REPS2: variants seen among roughly 807,000 people sequenced by gnomAD.
REPS2 encodes the protein ralBP1-associated Eps domain-containing protein 2.
In REPS2, 23 loss-of-function variants were observed where a neutral mutation model predicts 53.6. The observed-to-expected ratio is 0.43, with a 90% CI of 0.31 to 0.61. The LOEUF (loss-of-function observed/expected upper bound fraction) is 0.61, where lower values mean the gene tolerates loss of function less well. Among genes scored for constraint, REPS2 ranks in the 20% least tolerant of loss-of-function variants. REPS2 has a pLI of 0.11. For synonymous variants in REPS2, 238 were observed against 218.6 expected (o/e 1.09, Z -0.78); for missense variants, 446 against 534.9 (o/e 0.83, Z 1.64).
At chrX:17,070,471 GA>G (rs1271361397) in intron 11 of REPS2, among the ~76,000 whole-genome samples, 1 of 112,092 alleles carries the variant, frequency 8.9e-6, no homozygotes, top group Non-Finnish European at 1.9e-5. Flanking sequence ...ATTCCAAGGA[GA>G]AAAATAAAAG....
intron 5 of REPS2, among the ~76,000 whole-genome samples, chrX:17,034,206 T>C (rs756704005): frequency 3.8e-4 from 43 of 112,280 alleles, no homozygotes; most frequent in Non-Finnish European, 6.8e-4. Flanking sequence ...CTGTTTCTTT[T>C]GTATCATTCT....
At chrX:17,007,731 C>T (rs964979423) in intron 2 of REPS2, among the ~76,000 whole-genome samples, 1 of 112,344 alleles carries the variant, frequency 8.9e-6, no homozygotes, top group Middle Eastern at 4.2e-3. Context: ...CAATTCTCTC[C>T]TGTGCCTGCA....
intron 1 of REPS2, among the ~76,000 whole-genome samples, chrX:16,958,679 C>T (rs2060625696): frequency 8.9e-6 from 1 of 111,867 alleles, no homozygotes; most frequent in Non-Finnish European, 1.9e-5. Flanking sequence ...GAGAAGTAAC[C>T]AATTTCTGTT....
intron 5 of REPS2, among the ~76,000 whole-genome samples, chrX:17,046,833 G>A (rs999153701): frequency 1.1e-4 from 12 of 112,118 alleles, no homozygotes; most frequent in African/African-American, 3.9e-4. Flanking sequence ...CAGTGGTCCT[G>A]ACTTGCCACT....
the REPS2 span, among the ~76,000 whole-genome samples, chrX:17,164,672 TA>T: frequency 8.9e-6 from 1 of 111,856 alleles, no homozygotes; most frequent in Non-Finnish European, 1.9e-5. Flanking sequence ...GAGAAATTTA[TA>T]GCTGTACATA....
the REPS2 span, among the ~76,000 whole-genome samples, chrX:17,195,111 A>G: frequency 1.8e-5 from 2 of 112,122 alleles, no homozygotes; most frequent in Admixed American, 1.9e-4. Context: ...ACATTAAGGA[A>G]ATTTGATAGT....
At position 17,111,029 on chromosome X, in the gene REPS2, A is replaced by C. The variant is rs1422579225; in HGVS notation, c.1578+7250A>C. On this transcript the variant is annotated intron_variant, in intron 14 of 17. Coordinates refer to ENST00000357277, the MANE Select transcript of REPS2 (RefSeq NM_004726.3). ...ACTCTGTCTCAACAACAACAACAGA[A>C]GTTTTGGGTTTTGGAGCATTTTGGA... Among the ~76,000 whole-genome samples the C allele has an allele frequency of 6.3e-5, 7 of 111,740 alleles. No individual in the cohort carries two copies. The East Asian group carries it at 2.0e-3, about 31-fold the overall frequency.
intron 13 of REPS2, among the ~76,000 whole-genome samples, chrX:17,102,669 T>G (rs1666548245): frequency 8.9e-6 from 1 of 112,662 alleles, no homozygotes; most frequent in Non-Finnish European, 1.9e-5. Flanking sequence ...GATATTACCC[T>G]GAGTTACATT....
At chrX:17,066,349 A>G (rs1166502557) in intron 9 of REPS2, among the ~76,000 whole-genome samples, 1 of 112,511 alleles carries the variant, frequency 8.9e-6, no homozygotes, top group African/African-American at 3.2e-5. Context: ...GAGTATGGCC[A>G]CCTTACCAAT....
In REPS2 at chrX:16,999,368, ATTTTTTTT is replaced by A. The variant is rs1162932789; in HGVS notation, c.274-6836_274-6829del. Among the ~76,000 whole-genome samples, 148 of 62,729 alleles carry A rather than the reference ATTTTTTTT, an allele frequency of 2.4e-3. 1 individual carries two copies. The highest frequency in any genetic ancestry group is 3.5e-3 in the Non-Finnish European group (118 of 33,572). 54.5% of individuals were successfully genotyped at this position (62,729 alleles called of 115,157 possible). ...TTTGCTTCCACTAGTGATGTTCCTG[ATTTTTTTT>A]TTTTTTTTTTTTTTTTGCACAGAGT... is the stretch of plus-strand genomic sequence containing the variant. On this transcript the variant is annotated intron_variant, in intron 1 of 17. Transcript: ENST00000357277.
chrX:17,030,544 C>A (rs1030866568), intron 5 of REPS2, among the ~76,000 whole-genome samples: 19 of 111,913 alleles, frequency 1.7e-4, no homozygotes, highest in Non-Finnish European at 5.6e-5. Context: ...AAAGAAGGTC[C>A]TGGGGTTCAT....
rs1028538210 is a variant in REPS2 at position 17,135,416 on chromosome X, C to T, written c.1808+10C>T. 8.3e-7 allele frequency: 1 copy of T among 1,200,732 alleles called. No homozygotes were observed. On this transcript the variant is annotated intron_variant, in intron 16 of 17. Transcript: ENST00000357277. ...ATCCAACAGTCCAAAAGTAAGTAGACCACATAAACAAGAGTGAGGTAGGAA... is the reference window on the plus strand; with the variant it reads ...ATCCAACAGTCCAAAAGTAAGTAGATCACATAAACAAGAGTGAGGTAGGAA...
At chrX:17,014,100 G>A (rs768643801) in intron 2 of REPS2, among the ~76,000 whole-genome samples, 1 of 111,966 alleles carries the variant, frequency 8.9e-6, no homozygotes, top group African/African-American at 3.2e-5. Flanking sequence ...TGTAAAAAAT[G>A]TTGCCTTCAA....
the REPS2 span, among the ~76,000 whole-genome samples, chrX:17,170,206 G>A: frequency 8.9e-6 from 1 of 112,402 alleles, no homozygotes; most frequent in African/African-American, 3.2e-5. Flanking sequence ...GGAGATGTAG[G>A]CTTTAGCAGC....
chrX:17,140,824 G>A (rs779279979), intron 17 of REPS2, among the ~76,000 whole-genome samples: 22 of 107,605 alleles, frequency 2.0e-4, no homozygotes, highest in Admixed American at 1.4e-3. Context: ...ACGCTGGAGT[G>A]CGGTGGCGTG....
At chrX:17,187,028 C>A in the REPS2 span, among the ~76,000 whole-genome samples, 1 of 111,514 alleles carries the variant, frequency 9.0e-6, no homozygotes, top group Non-Finnish European at 1.9e-5. Context: ...GACTTTACCA[C>A]TATACAATTC....
chrX:17,133,934 G>A (rs747862991), intron 15 of REPS2, 27 bp downstream of exon 15: 11 of 1,125,876 alleles, frequency 9.8e-6, no homozygotes, highest in African/African-American at 1.8e-5. Flanking sequence ...GATGCTGTCA[G>A]ATGGCGTTGC....
intron 13 of REPS2, among the ~76,000 whole-genome samples, chrX:17,102,257 T>C (rs2062818902): frequency 9.0e-6 from 1 of 110,552 alleles, no homozygotes; most frequent in Admixed American, 9.7e-5. Flanking sequence ...AGTTTTTGTA[T>C]TTTTTGTAGA....
At chrX:16,979,569 A>G (rs1437609040) in intron 1 of REPS2, among the ~76,000 whole-genome samples, 1 of 112,042 alleles carries the variant, frequency 8.9e-6, no homozygotes, top group Non-Finnish European at 1.9e-5. Context: ...TCCAGAATAA[A>G]AGTGAACATG....
Sources: allele counts gnomAD v4.1 joint callset (sites outside exome capture counted in the v4.1 genomes callset), GRCh38; gene constraint gnomAD v4.1.1; transcripts MANE v1.5; gene names NCBI Gene and HGNC (gene_info 2026-07-23, HGNC 2026-07-21).